Variants in SCN2A observed in about 807,000 individuals in gnomAD.
SCN2A encodes sodium voltage-gated channel alpha subunit 2, also known as sodium channel protein type 2 subunit alpha.
SCN2A carries 20 observed loss-of-function variants against 188.7 expected under a neutral mutation model. The observed-to-expected ratio is 0.11, with a 90% CI of 0.07 to 0.15. The LOEUF (loss-of-function observed/expected upper bound fraction) is 0.15. Ranked by LOEUF, SCN2A falls within the 10% of genes least tolerant of loss-of-function variation. The pLI is 1.00. For missense variants in SCN2A, 1,278 were observed against 2,445.0 expected (o/e 0.52, Z 10.07); for synonymous variants, 804 against 833.1 (o/e 0.97, Z 0.60).
rs1366593573 is a variant in SCN2A at position 165,312,010 on chromosome 2, T to C, written c.971-15T>C. Reference sequence around the variant, plus strand: ...GGATTTTAATGATTCTTTCTATTCCTTTCTCTTTAAATAGGTCACTTTTAT... The same window carrying C: ...GGATTTTAATGATTCTTTCTATTCCCTTCTCTTTAAATAGGTCACTTTTAT... On this transcript the variant is annotated splice_polypyrimidine_tract_variant and intron_variant, in intron 7 of 26. Coordinates refer to ENST00000375437, the MANE Select transcript of SCN2A (RefSeq NM_001040142.2). 6.3e-7 allele frequency: 1 copy of C among 1,597,220 alleles called. No homozygotes were observed. The highest frequency in any genetic ancestry group is 2.2e-5 in the East Asian group (1 of 44,764).
chr2:165,308,014 A>G, intron 4 of SCN2A, 77 bp downstream of exon 4: 1 of 947,924 alleles, frequency 1.1e-6, no homozygotes, highest in Non-Finnish European at 1.7e-6. Context: ...GACCTCCTCA[A>G]TTTCTTTAAC....
intron 3 of SCN2A, among the ~76,000 whole-genome samples, chr2:165,299,549 A>G (rs1696693459): frequency 6.6e-6 from 1 of 152,268 alleles, no homozygotes. Context: ...GAGATATAAC[A>G]AAAGGCAGTG....
intron 16 of SCN2A, among the ~76,000 whole-genome samples, chr2:165,349,757 A>C (rs1699791436): frequency 6.6e-6 from 1 of 152,190 alleles, no homozygotes; most frequent in Admixed American, 6.5e-5. Flanking sequence ...ATGTTTCTGG[A>C]GTAGCTAAGG....
chr2:165,291,492 T>C (rs1574513563), intron 1 of SCN2A, among the ~76,000 whole-genome samples: 4 of 7,482 alleles, frequency 5.3e-4, no homozygotes, highest in Admixed American at 1.6e-3. Flanking sequence ...CTTTCTTTCT[T>C]TTCTTTCTTT....
chr2:165,266,555 G>A (rs141685897), intron 1 of SCN2A: 10 of 152,140 alleles, frequency 6.6e-5, no homozygotes, highest in African/African-American at 1.7e-4. Flanking sequence ...ACTCCTTCTC[G>A]ATCAACATGC....
intron 18 of SCN2A, 114 bp downstream of exon 18, chr2:165,365,377 C>CTATG (rs1700670958): frequency 4.2e-6 from 1 of 237,168 alleles, no homozygotes. Flanking sequence ...CTATCTGTAT[C>CTATG]TATCTATCTA....
At chr2:165,294,010 T>TTA (rs1331839844) in intron 1 of SCN2A, 6 of 151,032 alleles carry the variant, frequency 4.0e-5, no homozygotes, top group East Asian at 5.1e-4. Flanking sequence ...GAAGGAGAAT[T>TTA]AAAAAAAAAA....
At chr2:165,369,796 G>A (rs1700931001) in intron 19 of SCN2A, among the ~76,000 whole-genome samples, 1 of 152,120 alleles carries the variant, frequency 6.6e-6, no homozygotes, top group African/African-American at 2.4e-5. Flanking sequence ...ATTCCATTGA[G>A]TCTGCACTGA....
At position 165,286,010 on chromosome 2, in the gene SCN2A, G is replaced by A. The variant is rs543983140; in HGVS notation, c.-51-9763G>A. The A allele has an allele frequency of 4.5e-5, 9 of 198,964 alleles. No individual in the cohort carries two copies. The South Asian group carries it at 8.4e-4, about 19-fold the overall frequency. The allele number at this position is 198,964 out of a possible 1,614,324, so 12.3% of individuals were successfully genotyped here. On this transcript the variant is annotated intron_variant, in intron 1 of 26. Transcript: ENST00000375437. ...CACAGATGAAGACTTCGTGATATCC[G>A]ATGAAAGGGGCCCACAGGAGGAACA...
intron 20 of SCN2A, chr2:165,372,014 CCT>C (rs1306346381): frequency 6.6e-6 from 1 of 152,154 alleles, no homozygotes; most frequent in African/African-American, 2.4e-5. Flanking sequence ...AAAATATTTT[CCT>C]CTGTCTAACT....
intron 11 of SCN2A, among the ~76,000 whole-genome samples, chr2:165,321,943 T>G (rs1698097963): frequency 6.6e-6 from 1 of 152,304 alleles, no homozygotes; most frequent in East Asian, 1.9e-4. Flanking sequence ...AATGATGAAG[T>G]TAGTATTCTT....
chr2:165,244,601 T>C (rs1340209013), intron 1 of SCN2A, among the ~76,000 whole-genome samples: 1 of 152,220 alleles, frequency 6.6e-6, no homozygotes, highest in Non-Finnish European at 1.5e-5. Context: ...TTTTATTTAT[T>C]GGAATGTGAT....
intron 16 of SCN2A, among the ~76,000 whole-genome samples, chr2:165,345,190 G>C (rs1013384445): frequency 6.6e-6 from 1 of 152,158 alleles, no homozygotes; most frequent in Non-Finnish European, 1.5e-5. Flanking sequence ...ACTAGAGCAT[G>C]GAAGTGTTAC....
chr2:165,389,681 AC>A lies in SCN2A; in HGVS notation c.5876del (p.Thr1959IlefsTer7). On this transcript the variant is annotated frameshift_variant, in exon 27 of 27. Coordinates refer to ENST00000375437, the MANE Select transcript of SCN2A (RefSeq NM_001040142.2). LOFTEE classifies it high-confidence loss of function. The surrounding 1 kb of genome is among the most constrained non-coding windows in gnomAD (Gnocchi z 4.2). ...CATTGATAAACTGAATGAGAATTCA[AC>A]TCCAGAGAAAACCGATATGACGCCT... is the stretch of plus-strand genomic sequence containing the variant. ...TLIDKLNENSTPEKTDMTPST... is the reference protein window; with the variant it reads ...TLIDKLNENSXPEKTDMTPST... 1 of 1,613,974 alleles carries A rather than the reference AC, an allele frequency of 6.2e-7. No individual in the cohort carries two copies.
rs1700664201 is a variant in SCN2A at position 165,365,281 on chromosome 2, A to G, written c.3520+18A>G. The G allele has an allele frequency of 3.1e-6, 5 of 1,613,438 alleles. No individual in the cohort carries two copies. Among genetic ancestry groups the G allele is most frequent in the African/African-American group, 2.7e-5 (2 of 75,004 alleles). On this transcript the variant is annotated intron_variant, in intron 18 of 26. Coordinates refer to ENST00000375437, the MANE Select transcript of SCN2A (RefSeq NM_001040142.2). ...TACAGAAGGTAAGCAAAACAATAAC[A>G]TATGTGGTCTTGAGTATCCTCTTTT...
At chr2:165,308,528 G>T in intron 4 of SCN2A, 138 bp from the exon 5 acceptor site, 1 of 737,298 alleles carries the variant, frequency 1.4e-6, no homozygotes, top group Non-Finnish European at 2.3e-6. Flanking sequence ...TTTGACTTAA[G>T]CCCCACCTAA....
At chr2:165,245,350 G>A (rs1489924839) in intron 1 of SCN2A, 1 of 152,116 alleles carries the variant, frequency 6.6e-6, no homozygotes, top group African/African-American at 2.4e-5. Context: ...CCCTTTGCTT[G>A]ACACTTCTCT....
chr2:165,356,868 G>T (rs1012406377), intron 17 of SCN2A, among the ~76,000 whole-genome samples: 4 of 152,090 alleles, frequency 2.6e-5, no homozygotes, highest in Non-Finnish European at 5.9e-5. Context: ...TAAGCTTTTT[G>T]ATTTGTTTTC....
Position 165,386,909 on chromosome 2 carries a change from T to C in SCN2A, c.4715T>C (p.Val1572Ala), listed in dbSNP as rs1701903914. Residue 1572 changes from valine to alanine, a missense_variant, in exon 26 of 27, where the codon GTT becomes GCT. Val to Ala is a moderately conservative substitution (Grantham distance 64). Transcript: ENST00000375437. ...ILYWINLVFI[V>A]LFTGECVLKL... ...TACTGGATTAATCTGGTGTTTATTGTTCTGTTCACTGGAGAATGTGTGCTG... is the reference window on the plus strand; with the variant it reads ...TACTGGATTAATCTGGTGTTTATTGCTCTGTTCACTGGAGAATGTGTGCTG... 1 of 1,613,868 alleles carries C rather than the reference T, an allele frequency of 6.2e-7. No homozygotes were observed. The highest frequency in any genetic ancestry group is 8.5e-7 in the Non-Finnish European group (1 of 1,179,930).
Sources: allele counts gnomAD v4.1 joint callset (sites outside exome capture counted in the v4.1 genomes callset), GRCh38; gene constraint gnomAD v4.1.1; non-coding constraint Gnocchi (gnomAD v3.1); transcripts MANE v1.5; gene names NCBI Gene and HGNC (gene_info 2026-07-23, HGNC 2026-07-21).